Variants in CMTM7 observed in about 807,000 individuals in gnomAD.
The protein encoded by CMTM7 is CKLF like MARVEL transmembrane domain containing 7.
Under a neutral mutation model 19.3 loss-of-function variants are expected in CMTM7, and 7 were observed. The ratio of observed to expected loss-of-function variants is 0.36; its 90% CI spans 0.21 to 0.68. The LOEUF is 0.68. Among genes scored for constraint, CMTM7 ranks in the 30% least tolerant of loss-of-function variants. The pLI is 0.60. For missense variants in CMTM7, 193 were observed against 232.6 expected (o/e 0.83, Z 1.11); for synonymous variants, 87 against 99.3 (o/e 0.88, Z 0.74).
chr3:32,446,020 G>A (rs1696748656), intron 2 of CMTM7, among the ~76,000 whole-genome samples: 1 of 152,034 alleles, frequency 6.6e-6, no homozygotes, highest in African/African-American at 2.4e-5. Context: ...AGTTAATACT[G>A]GCCTCACAGA....
chr3:32,427,878 T>C (rs1458505909), intron 1 of CMTM7, among the ~76,000 whole-genome samples: 3 of 152,240 alleles, frequency 2.0e-5, no homozygotes, highest in Non-Finnish European at 4.4e-5. Flanking sequence ...ATTAGACCTC[T>C]GTAGTGTTTA....
intron 1 of CMTM7, among the ~76,000 whole-genome samples, chr3:32,392,433 C>G (rs1177990271): frequency 6.6e-6 from 1 of 152,266 alleles, no homozygotes; most frequent in East Asian, 1.9e-4. Context: ...CGAACCCGAG[C>G]CGGGGGTGGA....
intron 1 of CMTM7, among the ~76,000 whole-genome samples, chr3:32,400,580 A>G (rs568455952): frequency 6.6e-6 from 1 of 151,180 alleles, no homozygotes. Context: ...TTTAGTAGAG[A>G]CGGGGTTTCA....
intron 1 of CMTM7, among the ~76,000 whole-genome samples, chr3:32,422,433 A>G (rs1189170450): frequency 6.6e-6 from 1 of 152,240 alleles, no homozygotes; most frequent in Non-Finnish European, 1.5e-5. Context: ...TAGTGGCAAA[A>G]GTACTCAGCA....
chr3:32,399,981 CTAAAG>C (rs1034600112), intron 1 of CMTM7, among the ~76,000 whole-genome samples: 6 of 152,154 alleles, frequency 3.9e-5, no homozygotes, highest in African/African-American at 1.2e-4. Flanking sequence ...AAAAGTAAAA[CTAAAG>C]TATTTTATAG....
chr3:32,430,714 T>TGTGTGTGTGTGTGTGTGTGAGA (rs10634592), intron 1 of CMTM7, among the ~76,000 whole-genome samples: 1 of 149,596 alleles, frequency 6.7e-6, no homozygotes, highest in Admixed American at 6.7e-5. Context: ...TGTGTGTGTG[T>TGTGTGTGTGTGTGTGTGTGAGA]GACACAGCTC....
In CMTM7 at chr3:32,392,062, A is replaced by G. The variant is rs1695843253; in HGVS notation, c.156A>G (p.Gln52=). Residue 52 remains glutamine (Q), a synonymous_variant, in exon 1 of 5, where the codon CAA becomes CAG. Coordinates refer to ENST00000334983, the MANE Select transcript of CMTM7 (RefSeq NM_138410.4). The stretch of plus-strand genomic sequence containing the variant: ...ACGCGGCCCTGCTGAAAGTGGCGCA[A>G]ATGGTAAGTGAGCGCGGGGCGCGAG... ...RTHAALLKVA[Q]MVTLLIAFIC... is the part of the protein sequence containing the mutation. 1 of 1,233,480 alleles carries G rather than the reference A, an allele frequency of 8.1e-7. No individual in the cohort carries two copies. 76.4% of individuals were successfully genotyped at this position (1,233,480 alleles called of 1,614,324 possible).
intron 1 of CMTM7, among the ~76,000 whole-genome samples, chr3:32,427,471 G>A (rs889003069): frequency 7.9e-5 from 12 of 152,256 alleles, no homozygotes; most frequent in African/African-American, 2.6e-4. Context: ...GACCAGGAGG[G>A]CAAGAGAGTG....
chr3:32,441,185 A>T (rs1206282278), intron 1 of CMTM7, among the ~76,000 whole-genome samples: 1 of 152,236 alleles, frequency 6.6e-6, no homozygotes, highest in Non-Finnish European at 1.5e-5. Context: ...CCTTAGAGTC[A>T]GACAGACCTG....
At chr3:32,437,325 C>T (rs768617091) in intron 1 of CMTM7, among the ~76,000 whole-genome samples, 8 of 151,980 alleles carry the variant, frequency 5.3e-5, no homozygotes, top group Admixed American at 1.3e-4. Flanking sequence ...GGCTGGGCAC[C>T]GTGGCTCACA....
chr3:32,409,323 C>T (rs573524987), intron 1 of CMTM7, among the ~76,000 whole-genome samples: 1 of 152,220 alleles, frequency 6.6e-6, no homozygotes, highest in East Asian at 1.9e-4. Flanking sequence ...TGTATGCATG[C>T]TATTATTTTT....
chr3:32,433,010 C>G (rs1354480227), intron 1 of CMTM7, among the ~76,000 whole-genome samples: 2 of 152,166 alleles, frequency 1.3e-5, no homozygotes, highest in Non-Finnish European at 2.9e-5. Context: ...CAAGAGTGAG[C>G]AGCAGAAAAT....
intron 1 of CMTM7, among the ~76,000 whole-genome samples, chr3:32,403,763 TCACTG>T (rs2125621377): frequency 6.6e-6 from 1 of 152,322 alleles, no homozygotes; most frequent in Non-Finnish European, 1.5e-5. Flanking sequence ...GATGTTGTGA[TCACTG>T]CATTCAGTCC....
intron 1 of CMTM7, among the ~76,000 whole-genome samples, chr3:32,406,256 C>A (rs150320847): frequency 3.6e-4 from 55 of 152,344 alleles, no homozygotes; most frequent in African/African-American, 1.2e-3. Context: ...CCCCTACTGA[C>A]AGCCGTTTAG....
intron 1 of CMTM7, among the ~76,000 whole-genome samples, chr3:32,425,502 A>T (rs115656283): frequency 0.022 from 3,404 of 152,202 alleles, 127 homozygotes; most frequent in African/African-American, 0.077. Context: ...GGAAAAAAAA[A>T]AAAATAAAAG....
intron 1 of CMTM7, among the ~76,000 whole-genome samples, chr3:32,396,493 C>T (rs1195360233): frequency 2.0e-5 from 3 of 152,004 alleles, no homozygotes; most frequent in East Asian, 1.9e-4. Context: ...GGTGACACAG[C>T]GAGACTCCGT....
chr3:32,440,070 TACAC>T (rs10526471), intron 1 of CMTM7, among the ~76,000 whole-genome samples: 1,626 of 150,094 alleles, frequency 0.011, 13 homozygotes, highest in African/African-American at 0.013. Context: ...ACCACACGCA[TACAC>T]ACACACACAC....
intron 1 of CMTM7, among the ~76,000 whole-genome samples, chr3:32,407,759 C>T (rs1448109854): frequency 6.6e-6 from 1 of 152,142 alleles, no homozygotes; most frequent in East Asian, 1.9e-4. Flanking sequence ...TCCCCTGGGC[C>T]TGATGGGGGT....
At chr3:32,417,279 C>T (rs183912265) in intron 1 of CMTM7, among the ~76,000 whole-genome samples, 1 of 152,280 alleles carries the variant, frequency 6.6e-6, no homozygotes, top group African/African-American at 2.4e-5. Context: ...GTCTTCCATC[C>T]CTATAGTTTT....
Sources: gnomAD v4.1 joint callset for allele counts (sites outside exome capture counted in the v4.1 genomes callset) on GRCh38, gnomAD v4.1.1 for gene constraint, MANE v1.5 for transcripts, NCBI Gene and HGNC (gene_info 2026-07-23, HGNC 2026-07-21) for gene names.